Variants in PLEC observed in about 807,000 individuals in gnomAD.
PLEC encodes the protein plectin, also known as hemidesmosomal protein 1.
A neutral mutation model predicts 392.8 loss-of-function variants in PLEC; 216 were observed. The observed-to-expected ratio is 0.55, with a 90% CI of 0.49 to 0.62. PLEC has a LOEUF of 0.62. PLEC is among the 20% of genes least tolerant of loss of function. The pLI is 0.00. For synonymous variants in PLEC, 3,621 were observed against 2,980.6 expected, an observed-to-expected ratio of 1.21 and a Z score of -7.00; for missense variants, 6,863 against 6,563.4, an observed-to-expected ratio of 1.05 and a Z score of -1.58.
rs782658586 is a variant in PLEC, at chr8:143,920,213, T to A, written c.9608A>T (p.Gln3203Leu). The A allele has an allele frequency of 4.4e-6, 7 of 1,607,594 alleles. No individual in the cohort carries two copies. The Admixed American group carries it at 1.0e-4, about 23-fold the overall frequency. Residue 3203 changes from glutamine to leucine, a missense_variant, in exon 32 of 32, where the codon CAG becomes CTG. Transcript: ENST00000345136. ...CGGCAGCAGGCTCAGCCCGGTCAGC[T>A]GGTCGGGCCGGCACCGCTGCTGGAG... is the stretch of plus-strand genomic sequence containing the variant. ...GELQQRCRPD[Q>L]LTGLSLLPLS...
rs781793434 is a variant in PLEC at position 143,930,298 on chromosome 8, C to A, written c.2458G>T (p.Val820Leu). Residue 820 changes from valine to leucine, a missense_variant and splice_region_variant, in exon 21 of 32, where the codon GTG (valine) becomes TTG (leucine). Transcript: ENST00000345136. ...CACTCGTCACCCTTGTGCACAGTCA[C>A]CTGGGACGGGCAGAGTCGGTGAGGA... Reference protein sequence around the residue: ...LAVCDYKQVEVTVHKGDECQL... With the variant: ...LAVCDYKQVELTVHKGDECQL... 5 of 1,601,966 alleles carry A rather than the reference C, an allele frequency of 3.1e-6. No individual in the cohort carries two copies. The African/African-American group carries it at 6.7e-5, about 21-fold the overall frequency.
chr8:143,918,803 A>G lies in PLEC; in HGVS notation c.11018T>C (p.Leu3673Pro). The G allele has an allele frequency of 6.2e-7, 1 of 1,613,164 alleles. No individual in the cohort carries two copies. Among genetic ancestry groups the G allele is most frequent in the Non-Finnish European group, 8.5e-7 (1 of 1,180,008 alleles). Residue 3673 changes from leucine to proline, a missense_variant, in exon 32 of 32, where the codon CTC becomes CCC. Transcript: ENST00000345136. ...GGACTCCGCCTCGAGAGCCTCACGG[A>G]GGCTCCTGGTGCCCTCCCGGAGCAG... is the stretch of plus-strand genomic sequence containing the variant. ...YNLLREGTRS[L>P]REALEAESAW...
upstream of PLEC, among the ~76,000 whole-genome samples, chr8:143,958,141 C>A (rs944905282): frequency 6.9e-6 from 1 of 145,984 alleles, no homozygotes; most frequent in Non-Finnish European, 1.5e-5. The surrounding 1 kb of genome is among the most constrained non-coding windows in gnomAD (Gnocchi z 4.9). Context: ...AACAACAGCC[C>A]GGCCTCTGCG....
chr8:143,946,272 CG>C, intron 1 of PLEC: 5 of 1,092,056 alleles, frequency 4.6e-6, no homozygotes, highest in Non-Finnish European at 6.1e-6. Flanking sequence ...CGGTGGACAA[CG>C]GGAAGAGACA....
In PLEC at chr8:143,920,572, A is replaced by G; in HGVS notation, c.9249T>C (p.Arg3083=). The part of the protein sequence containing the change: ...SARLTVDEAV[R]AGLVGPEFHE... ...GAAACTCGGGGCCCACCAGGCCAGC[A>G]CGCACTGCCTCGTCCACGGTCAGCC... The change falls in exon 32 of 32, where the codon CGT becomes CGC. Residue 3083 remains arginine (R), a synonymous_variant. Transcript: ENST00000345136. 1 of 1,611,164 alleles carries G rather than the reference A, an allele frequency of 6.2e-7. No homozygotes were observed. Among genetic ancestry groups the G allele is most frequent in the Non-Finnish European group, 8.5e-7 (1 of 1,179,828 alleles).
rs782149971 is a variant in PLEC at position 143,925,830 on chromosome 8, C to A, written c.4099G>T (p.Ala1367Ser). 2 of 1,558,146 alleles carry A rather than the reference C, an allele frequency of 1.3e-6. No individual in the cohort carries two copies. Among genetic ancestry groups the A allele is most frequent in the South Asian group, 1.2e-5 (1 of 86,588 alleles). Residue 1367 changes from alanine to serine, a missense_variant, in exon 31 of 32, where the codon GCC becomes TCC. Ala to Ser is a moderately conservative substitution (Grantham distance 99, BLOSUM62 1). Coordinates refer to ENST00000345136, the MANE Select transcript of PLEC (RefSeq NM_201384.3). ...AGCTGCCGCTGCTTCTCCAGCGCGG[C>A]CTCCACCTCGGCCAGCCGCTCGCGC... ...EERERLAEVE[A>S]ALEKQRQLAE...
rs782115846 is a variant in PLEC at position 143,931,922 on chromosome 8, G to A, written c.2178+15C>T. The stretch of plus-strand genomic sequence containing the variant: ...TGCCGCTGAGCCACAGTGCGGAGGG[G>A]GCTCCGGTTCTCACCTGAAAGTAGG... On this transcript the variant is annotated intron_variant, in intron 18 of 31. Coordinates refer to ENST00000345136, the MANE Select transcript of PLEC (RefSeq NM_201384.3). 2.0e-5 allele frequency: 32 copies of A among 1,595,388 alleles called. No individual in the cohort carries two copies. The highest frequency in any genetic ancestry group is 1.8e-4 in the South Asian group (16 of 88,838).
rs782161665 is a variant in PLEC, at chr8:143,916,216, G to A, written c.13605C>T (p.Ser4535=). Residue 4535 remains serine (S), a synonymous_variant, in exon 32 of 32, where the codon TCC becomes TCT. Coordinates refer to ENST00000345136, the MANE Select transcript of PLEC (RefSeq NM_201384.3). The part of the protein sequence containing the change: ...SGYGRRYASG[S]SASLGGPESA... Reference sequence around the variant, plus strand: ...ACTCAGGGCCCCCCAGGGAGGCCGAGGACCCCGAGGCGTAGCGGCGGCCGT... The same window carrying A: ...ACTCAGGGCCCCCCAGGGAGGCCGAAGACCCCGAGGCGTAGCGGCGGCCGT... The A allele has an allele frequency of 8.7e-5, 135 of 1,545,448 alleles. No individual in the cohort carries two copies. The highest frequency in any genetic ancestry group is 1.1e-4 in the Non-Finnish European group (128 of 1,145,224).
Position 143,932,786 on chromosome 8 carries a change from C to A in PLEC, c.1737+7G>T, listed in dbSNP as rs782814577. 2 of 1,611,956 alleles carry A rather than the reference C, an allele frequency of 1.2e-6. No individual in the cohort carries two copies. Among genetic ancestry groups the A allele is most frequent in the Non-Finnish European group, 1.7e-6 (2 of 1,179,652 alleles). On this transcript the variant is annotated splice_region_variant and intron_variant, in intron 14 of 31. Transcript: ENST00000345136. ...CCCCGCACTGCCCATCGCTCAGCGC[C>A]ACCCACCTCGTCACTCCGTGCCCGC... is the stretch of plus-strand genomic sequence containing the variant.
rs375587611 is a variant in PLEC, at chr8:143,922,867, C to T, written c.7062G>A (p.Ala2354=). The change falls in exon 31 of 32, where the codon GCG becomes GCA. Residue 2354 remains alanine (A), a synonymous_variant. Transcript: ENST00000345136. ...CCTGCGTCTCCTCCGCCAGCTGCTG[C>T]GCCATCTGCTCCTTGTCCTCCTGCA... ...RRLQEDKEQM[A]QQLAEETQGF... 8.1e-4 allele frequency: 1,273 copies of T among 1,580,538 alleles called. 1 individual carries two copies. The highest frequency in any genetic ancestry group is 1.2e-3 in the South Asian group (106 of 87,714).
Position 143,923,994 on chromosome 8 carries a change from C to T in PLEC, c.5935G>A (p.Glu1979Lys). 6.3e-7 allele frequency: 1 copy of T among 1,585,878 alleles called. No individual in the cohort carries two copies. The highest frequency in any genetic ancestry group is 8.5e-7 in the Non-Finnish European group (1 of 1,171,852). The part of the protein sequence containing the change: ...AARQRQLAAE[E>K]ERRRREAEER... ...TCAGCCTCACGGCGCCGCCGCTCCTCCTCCGCCGCCAGCTGCCGCTGCCTC... is the reference window on the plus strand; with the variant it reads ...TCAGCCTCACGGCGCCGCCGCTCCTTCTCCGCCGCCAGCTGCCGCTGCCTC... The change falls in exon 31 of 32, where the codon GAG (glutamate) becomes AAG (lysine). Residue 1979 changes from glutamate (E) to lysine (K), a missense_variant. Physicochemically the swap from Glu to Lys is moderately conservative, Grantham distance 56. Transcript: ENST00000345136.
chr8:143,938,338 G>A, intron 2 of PLEC, 98 bp from the exon 3 acceptor site: 1 of 1,536,940 alleles, frequency 6.5e-7, no homozygotes. Context: ...CCAGAGGGAA[G>A]GAGGCGGGGG....
chr8:143,926,367 G>T (rs567719659), intron 30 of PLEC, among the ~76,000 whole-genome samples: 6 of 152,308 alleles, frequency 3.9e-5, no homozygotes, highest in African/African-American at 1.4e-4. Flanking sequence ...GAGGATTCAG[G>T]GCCACGCAGA....
At chr8:143,938,036 G>C in intron 3 of PLEC, 115 bp downstream of exon 3, 1 of 734,668 alleles carries the variant, frequency 1.4e-6, no homozygotes, top group Admixed American at 2.1e-5. Context: ...AAGGCAGGAG[G>C]GGTTGAGCTG....
chr8:143,972,416 G>T (rs890800842), intron 1 of PLEC, among the ~76,000 whole-genome samples: 6 of 152,164 alleles, frequency 3.9e-5, no homozygotes, highest in African/African-American at 1.4e-4. Flanking sequence ...CCCCAGAGCC[G>T]TCGCTGGAGG....
chr8:143,934,490 G>A (rs199649827), intron 10 of PLEC, 45 bp from the exon 11 acceptor site: 4 of 1,608,086 alleles, frequency 2.5e-6, no homozygotes, highest in Admixed American at 1.7e-5. Context: ...AGGGGGCAGG[G>A]GGTGGGGCGC....
At chr8:143,941,507 G>A (rs1830444286), upstream of PLEC, among the ~76,000 whole-genome samples, 1 of 152,044 alleles carries the variant, frequency 6.6e-6, no homozygotes, top group Admixed American at 6.5e-5. Context: ...GGGACCGGGT[G>A]AGGAGAAGGG....
At position 143,966,608 on chromosome 8, in the gene PLEC, T is replaced by G. The variant is rs1833104609; in HGVS notation, c.70+6795A>C. Among the ~76,000 whole-genome samples the G allele has an allele frequency of 2.0e-5, 3 of 152,082 alleles. No individual in the cohort carries two copies. In the South Asian group the frequency reaches 6.2e-4, roughly 32 times the overall value. Reference sequence around the variant, plus strand: ...CCACCTATCCCTCCCACCCAACGCTTGTTTCAAGCCACACCTGCCACAGGA... The same window carrying G: ...CCACCTATCCCTCCCACCCAACGCTGGTTTCAAGCCACACCTGCCACAGGA... On this transcript the variant is annotated intron_variant, in intron 1 of 31. Transcript: ENST00000356346.
chr8:143,953,498 G>C (rs1398995731), upstream of PLEC, among the ~76,000 whole-genome samples: 1 of 151,620 alleles, frequency 6.6e-6, no homozygotes, highest in Non-Finnish European at 1.5e-5. Flanking sequence ...CCCCGCCCCC[G>C]ACGCTCCTGC....
Sources: allele counts gnomAD v4.1 joint callset (sites outside exome capture counted in the v4.1 genomes callset), GRCh38; gene constraint gnomAD v4.1.1; non-coding constraint Gnocchi (gnomAD v3.1); transcripts MANE v1.5; gene names NCBI Gene and HGNC (gene_info 2026-07-23, HGNC 2026-07-21).